The following CSMD1 variants were observed in gnomAD, a reference collection of about 807,000 sequenced individuals.
CSMD1 encodes CUB and sushi domain-containing protein 1.
CSMD1 carries 213 observed loss-of-function variants against 417.5 expected under a neutral mutation model. The observed-to-expected ratio is 0.51, with a 90% confidence interval of 0.46 to 0.57. The LOEUF (loss-of-function observed/expected upper bound fraction) is 0.57. CSMD1 is among the 20% of genes least tolerant of loss of function. CSMD1 has a pLI of 0.00. For synonymous variants in CSMD1, 2,862 were observed against 1,736.8 expected, an observed-to-expected ratio of 1.65 and a Z score of -16.11; for missense variants, 6,923 against 4,529.7, an observed-to-expected ratio of 1.53 and a Z score of -15.17.
chr8:4,380,937 C>G (rs59425918), intron 3 of CSMD1, among the ~76,000 whole-genome samples: 12,730 of 152,108 alleles, frequency 0.084, 694 homozygotes, highest in South Asian at 0.19. Context: ...CTATCCACAA[C>G]TGATAACCTG....
At chr8:3,588,787 G>C (rs927240433) in intron 8 of CSMD1, among the ~76,000 whole-genome samples, 1 of 151,990 alleles carries the variant, frequency 6.6e-6, no homozygotes, top group South Asian at 2.1e-4. Flanking sequence ...ACAGAGTGAA[G>C]AGACACCCTG....
At chr8:4,583,799 G>T (rs1336059195) in intron 2 of CSMD1, among the ~76,000 whole-genome samples, 1 of 152,114 alleles carries the variant, frequency 6.6e-6, no homozygotes, top group African/African-American at 2.4e-5. Context: ...GAGAATAAAA[G>T]CAGGCTGCCC....
At chr8:2,945,834 T>C (rs1802195789) in intron 68 of CSMD1, among the ~76,000 whole-genome samples, 1 of 152,206 alleles carries the variant, frequency 6.6e-6, no homozygotes, top group African/African-American at 2.4e-5. Flanking sequence ...AAACAGTGTT[T>C]AGGTAGTTAT....
chr8:3,733,687 C>G (rs1029137507), intron 6 of CSMD1, among the ~76,000 whole-genome samples: 1 of 152,108 alleles, frequency 6.6e-6, no homozygotes, highest in African/African-American at 2.4e-5. Context: ...TTGGGAGTCA[C>G]TCAGTGCCCA....
intron 5 of CSMD1, among the ~76,000 whole-genome samples, chr8:3,906,351 C>A (rs1350446507): frequency 6.6e-6 from 1 of 151,998 alleles, no homozygotes; most frequent in East Asian, 1.9e-4. Flanking sequence ...CCCAAGTATA[C>A]CTGAGTCACC....
intron 5 of CSMD1, among the ~76,000 whole-genome samples, chr8:3,797,177 A>T (rs920516323): frequency 6.6e-6 from 1 of 151,974 alleles, no homozygotes; most frequent in Non-Finnish European, 1.5e-5. Flanking sequence ...AAGTCTATTC[A>T]ACTTGAAATG....
chr8:3,616,061 G>T (rs1212287861), intron 8 of CSMD1, among the ~76,000 whole-genome samples: 1 of 152,058 alleles, frequency 6.6e-6, no homozygotes, highest in Non-Finnish European at 1.5e-5. Context: ...CATTCCTAAA[G>T]TTTTTTAATG....
At chr8:3,630,845 G>A (rs1348000472) in intron 7 of CSMD1, among the ~76,000 whole-genome samples, 1 of 152,174 alleles carries the variant, frequency 6.6e-6, no homozygotes, top group Non-Finnish European at 1.5e-5. Context: ...GATCCCCACA[G>A]GCAACCAAGA....
intron 2 of CSMD1, among the ~76,000 whole-genome samples, chr8:4,440,302 G>A (rs1798393243): frequency 6.6e-6 from 1 of 152,094 alleles, no homozygotes; most frequent in South Asian, 2.1e-4. Context: ...CCAGAAAAAT[G>A]GAATCAGCTG....
At chr8:4,062,856 G>A (rs374713068) in intron 3 of CSMD1, among the ~76,000 whole-genome samples, 1 of 150,426 alleles carries the variant, frequency 6.6e-6, no homozygotes, top group South Asian at 2.1e-4. Context: ...CCAGCCAAGA[G>A]AAATGAAAGC....
intron 4 of CSMD1, among the ~76,000 whole-genome samples, chr8:4,024,118 CAA>C (rs1489630589): frequency 3.6e-4 from 54 of 151,892 alleles, no homozygotes; most frequent in Non-Finnish European, 1.5e-4. Flanking sequence ...AATGGAAAGA[CAA>C]GAGATGTTAC....
At chr8:4,609,880 G>A (rs999499859) in intron 2 of CSMD1, among the ~76,000 whole-genome samples, 3 of 152,146 alleles carry the variant, frequency 2.0e-5, no homozygotes, top group Non-Finnish European at 4.4e-5. Context: ...GAGATGGGAT[G>A]CAGGATATTT....
At chr8:3,909,647 G>T (rs564402564) in intron 5 of CSMD1, among the ~76,000 whole-genome samples, 57 of 152,224 alleles carry the variant, frequency 3.7e-4, no homozygotes, top group African/African-American at 1.3e-3. Context: ...AGGAATGGGT[G>T]AAGAGTCACC....
chr8:4,015,618 G>A (rs114606646), intron 4 of CSMD1, among the ~76,000 whole-genome samples: 1,674 of 65,014 alleles, frequency 0.026, 25 homozygotes, highest in East Asian at 0.12. Flanking sequence ...CAGTCTCCAA[G>A]AAATACAACA....
intron 3 of CSMD1, among the ~76,000 whole-genome samples, chr8:4,193,857 T>A (rs762415676): frequency 9.9e-5 from 15 of 151,914 alleles, no homozygotes; most frequent in South Asian, 8.3e-4. Context: ...CATTCATTCT[T>A]CAGCACCGAG....
At chr8:3,413,701 A>G (rs2116939413) in intron 12 of CSMD1, among the ~76,000 whole-genome samples, 1 of 152,344 alleles carries the variant, frequency 6.6e-6, no homozygotes, top group Non-Finnish European at 1.5e-5. Context: ...GACAAAATTC[A>G]CACAAGTTTT....
At chr8:4,443,390 A>G (rs968630235) in intron 2 of CSMD1, among the ~76,000 whole-genome samples, 6 of 152,196 alleles carry the variant, frequency 3.9e-5, no homozygotes, top group African/African-American at 1.4e-4. Flanking sequence ...AAAGGCAACA[A>G]AACACAGTTC....
chr8:3,766,162 T>G (rs573913187), intron 5 of CSMD1, among the ~76,000 whole-genome samples: 1 of 152,246 alleles, frequency 6.6e-6, no homozygotes, highest in Non-Finnish European at 1.5e-5. Flanking sequence ...GGTGTGTACT[T>G]TGGGCCTCCT....
chr8:3,586,002 A>T, intron 9 of CSMD1, 134 bp downstream of exon 9: 2 of 866,484 alleles, frequency 2.3e-6, no homozygotes, highest in Admixed American at 3.1e-5. Flanking sequence ...TACCCACATC[A>T]CTATGAAAAC....
Sources: gnomAD v4.1 joint callset for allele counts (sites outside exome capture counted in the v4.1 genomes callset) on GRCh38, gnomAD v4.1.1 for gene constraint, MANE v1.5 for transcripts, NCBI Gene and HGNC (gene_info 2026-07-23, HGNC 2026-07-21) for gene names.